Variants in RFC2 observed in about 807,000 individuals in gnomAD.
RFC2 encodes the protein replication factor C subunit 2, also known as A1 40 kDa subunit.
Under a neutral mutation model 44.8 loss-of-function variants are expected in RFC2, and 34 were observed. The observed-to-expected ratio is 0.76, with a 90% confidence interval of 0.58 to 1.01. RFC2 has a LOEUF of 1.01. Among genes scored for constraint, RFC2 ranks in the 50% least tolerant of loss-of-function variants. The probability of loss-of-function intolerance (pLI) is 0.00; values close to 1 mark genes in which losing one functional copy is unlikely to be tolerated. For missense variants in RFC2, 400 were observed against 453.6 expected, an observed-to-expected ratio of 0.88 and a Z score of 1.07; for synonymous variants, 177 against 168.9, an observed-to-expected ratio of 1.05 and a Z score of -0.37.
At chr7:74,249,852 A>G (rs1554720774) in intron 2 of RFC2, 72 bp from the exon 3 acceptor site, 1 of 1,326,754 alleles carries the variant, frequency 7.5e-7, no homozygotes, top group Non-Finnish European at 1.1e-6. Flanking sequence ...GATAGAAAAA[A>G]GAACAAACAA....
At chr7:74,237,103 A>T (rs542586715) in intron 9 of RFC2, among the ~76,000 whole-genome samples, 4 of 151,964 alleles carry the variant, frequency 2.6e-5, no homozygotes, top group African/African-American at 9.7e-5. Flanking sequence ...ATTAACACAT[A>T]GCATGATATT....
chr7:74,250,747 C>G (rs1294037850), intron 2 of RFC2, among the ~76,000 whole-genome samples: 1 of 152,134 alleles, frequency 6.6e-6, no homozygotes, highest in African/African-American at 2.4e-5. Flanking sequence ...ATCCATTTCC[C>G]ATCCTGTAAC....
At chr7:74,244,966 A>C (rs1803518011) in intron 5 of RFC2, among the ~76,000 whole-genome samples, 1 of 152,018 alleles carries the variant, frequency 6.6e-6, no homozygotes, top group African/African-American at 2.4e-5. Context: ...CTGTCTCAAA[A>C]ACTACAACAA....
rs782349771 is a variant in RFC2, at chr7:74,237,369, G to A, written c.833C>T (p.Ala278Val). ...QHCVNANIDEAYKILAHLWHL... is the reference protein window; with the variant it reads ...QHCVNANIDEVYKILAHLWHL... The stretch of plus-strand genomic sequence containing the variant: ...GGGGGGAAGGAGGCCAACCTTGTAG[G>A]CTTCGTCAATGTTGGCATTCACACA... Residue 278 changes from alanine to valine, a missense_variant, in exon 9 of 11, where the codon GCC becomes GTC. Physicochemically the swap from Ala to Val is moderately conservative, Grantham distance 64. Coordinates refer to ENST00000055077, the MANE Select transcript of RFC2 (RefSeq NM_181471.3). 3.1e-5 allele frequency: 50 copies of A among 1,603,722 alleles called. No homozygotes were observed. The highest frequency in any genetic ancestry group is 3.8e-5 in the Non-Finnish European group (45 of 1,175,476).
rs527378713 is a variant in RFC2, at chr7:74,250,367, C to T, written c.184-587G>A. 4.0e-5 allele frequency among the ~76,000 whole-genome samples: 6 copies of T among 151,864 alleles called. No individual in the cohort carries two copies. The East Asian group carries it at 7.8e-4, about 20-fold the overall frequency. On this transcript the variant is annotated intron_variant, in intron 2 of 10. Transcript: ENST00000055077. ...GTGCAGTGGTGTGATCAAGGCTCAC[C>T]GCAGCCTCCAATTCCCAGGCTCAAG...
intron 8 of RFC2, among the ~76,000 whole-genome samples, chr7:74,237,829 G>C (rs527986569): frequency 6.6e-6 from 1 of 152,060 alleles, no homozygotes; most frequent in Non-Finnish European, 1.5e-5. Context: ...CCTCCACCCC[G>C]GAGTAGGAAC....
At position 74,243,253 on chromosome 7, in the gene RFC2, A is replaced by C. The variant is rs915177375; in HGVS notation, c.435-7T>G. 1.1e-5 allele frequency: 17 copies of C among 1,604,080 alleles called. No homozygotes were observed. The Admixed American group carries it at 1.7e-4, about 16-fold the overall frequency. On this transcript the variant is annotated splice_polypyrimidine_tract_variant and splice_region_variant and intron_variant, in intron 5 of 10. Coordinates refer to ENST00000055077, the MANE Select transcript of RFC2 (RefSeq NM_181471.3). The stretch of plus-strand genomic sequence containing the variant: ...CTGGGCTCCGTCGGTCATGCTGAGA[A>C]GAAAAACACAAGTTTGCAAGTGGGA...
At chr7:74,250,008 C>A (rs1451957513) in intron 2 of RFC2, among the ~76,000 whole-genome samples, 1 of 151,794 alleles carries the variant, frequency 6.6e-6, no homozygotes, top group Non-Finnish European at 1.5e-5. Flanking sequence ...ACAAAATTAG[C>A]CAGGTGTGGT....
intron 4 of RFC2, among the ~76,000 whole-genome samples, chr7:74,247,457 C>T (rs541072412): frequency 2.0e-5 from 3 of 152,154 alleles, no homozygotes; most frequent in African/African-American, 7.2e-5. Flanking sequence ...CTGGCCAACA[C>T]GGCGAAAATC....
chr7:74,236,407 C>T (rs1159253359), intron 9 of RFC2, among the ~76,000 whole-genome samples: 2 of 152,226 alleles, frequency 1.3e-5, no homozygotes, highest in Admixed American at 1.3e-4. Context: ...ACCCAGTCAA[C>T]TTCCAACCTA....
At chr7:74,246,823 G>A (rs1053218651) in intron 4 of RFC2, 60 bp from the exon 5 acceptor site, 6 of 1,191,018 alleles carry the variant, frequency 5.0e-6, no homozygotes, top group Non-Finnish European at 7.4e-6. Flanking sequence ...GCCTTCACAA[G>A]GACTTTTAAA....
chr7:74,250,138 G>A (rs1320796650), intron 2 of RFC2, among the ~76,000 whole-genome samples: 1 of 149,966 alleles, frequency 6.7e-6, no homozygotes, highest in East Asian at 1.9e-4. Flanking sequence ...GGGAAAGAGT[G>A]GGACCCTGTC....
chr7:74,254,206 C>A, intron 1 of RFC2, 65 bp downstream of exon 1: 1 of 1,237,564 alleles, frequency 8.1e-7, no homozygotes, highest in Non-Finnish European at 1.2e-6. Context: ...TTCTCCGGAG[C>A]ACGGCCCGCC....
chr7:74,249,881 G>A, intron 2 of RFC2, 101 bp from the exon 3 acceptor site: 2 of 1,005,590 alleles, frequency 2.0e-6, no homozygotes, highest in Non-Finnish European at 3.2e-6. Flanking sequence ...AAACTCGGCT[G>A]AGCACAATGG....
At chr7:74,239,128 C>G in intron 7 of RFC2, 140 bp from the exon 8 acceptor site, 1 of 597,322 alleles carries the variant, frequency 1.7e-6, no homozygotes, top group East Asian at 3.4e-5. Flanking sequence ...CTCCCAAGTG[C>G]TGGGATTACA....
At chr7:74,235,748 A>G (rs1554718224) in intron 9 of RFC2, 103 bp from the exon 10 acceptor site, 17 of 756,458 alleles carry the variant, frequency 2.2e-5, no homozygotes. Flanking sequence ...TTCAGGTCAC[A>G]TGGGGGTACC....
intron 10 of RFC2, among the ~76,000 whole-genome samples, chr7:74,234,127 C>T (rs992454485): frequency 5.9e-5 from 9 of 152,248 alleles, no homozygotes; most frequent in Non-Finnish European, 1.0e-4. Flanking sequence ...AGTGATAACA[C>T]GGACTGACTC....
intron 2 of RFC2, among the ~76,000 whole-genome samples, chr7:74,250,046 G>T (rs560335015): frequency 6.6e-6 from 1 of 151,592 alleles, no homozygotes; most frequent in Admixed American, 6.6e-5. Flanking sequence ...CCAGCTACTC[G>T]GGAGGCTAAA....
rs1232398150 is a variant in RFC2, at chr7:74,249,684, C to G, written c.225+55G>C. On this transcript the variant is annotated intron_variant, in intron 3 of 10. Coordinates refer to ENST00000055077, the MANE Select transcript of RFC2 (RefSeq NM_181471.3). ...CGCTGTGCACAAGAAAGCAGTTCAG[C>G]GGACAGTGGGATGAGACATGGAGAC... 8.3e-6 allele frequency: 12 copies of G among 1,441,018 alleles called. No individual in the cohort carries two copies. The East Asian group carries it at 2.7e-4, about 33-fold the overall frequency. The allele number at this position is 1,441,018 out of a possible 1,614,324, so 89.3% of individuals were successfully genotyped here.
Sources: allele counts gnomAD v4.1 joint callset (sites outside exome capture counted in the v4.1 genomes callset), GRCh38; gene constraint gnomAD v4.1.1; transcripts MANE v1.5; gene names NCBI Gene and HGNC (gene_info 2026-07-23, HGNC 2026-07-21).